HHAT: variants seen among roughly 807,000 people sequenced by gnomAD.
The protein encoded by HHAT is protein-cysteine N-palmitoyltransferase HHAT.
In HHAT, 47 loss-of-function variants were observed where a neutral mutation model predicts 70.8. The ratio of observed to expected loss-of-function variants is 0.66; its 90% CI spans 0.53 to 0.85. The LOEUF (loss-of-function observed/expected upper bound fraction) is 0.85, where lower values mean the gene tolerates loss of function less well. Among genes scored for constraint, HHAT ranks in the 40% least tolerant of loss-of-function variants. The pLI is 0.00. For synonymous variants in HHAT, 228 were observed against 247.6 expected (o/e 0.92, Z 0.74); for missense variants, 609 against 604.8 (o/e 1.01, Z -0.07).
intron 7 of HHAT, among the ~76,000 whole-genome samples, chr1:210,437,595 C>T (rs923062582): frequency 6.6e-6 from 1 of 151,946 alleles, no homozygotes. Flanking sequence ...GCTGCCATTG[C>T]AGCTACTTTG....
At chr1:210,471,678 C>CA (rs2094207595) in intron 8 of HHAT, among the ~76,000 whole-genome samples, 1 of 152,058 alleles carries the variant, frequency 6.6e-6, no homozygotes, top group Non-Finnish European at 1.5e-5. Flanking sequence ...GCAGCAGCAG[C>CA]GCGAAGAACA....
chr1:210,388,867 G>A (rs1432275919), intron 4 of HHAT, among the ~76,000 whole-genome samples: 1 of 152,114 alleles, frequency 6.6e-6, no homozygotes, highest in African/African-American at 2.4e-5. Flanking sequence ...TTTCCCGTAT[G>A]TAAAATAAAT....
chr1:210,336,784 G>GA (rs1293870698), intron 1 of HHAT, among the ~76,000 whole-genome samples: 4 of 151,700 alleles, frequency 2.6e-5, no homozygotes, highest in African/African-American at 9.7e-5. Context: ...CCCTGTTTAA[G>GA]AAAAAAATAA....
At chr1:210,577,636 G>GGTTTTTTTT (rs1558198901) in intron 9 of HHAT, among the ~76,000 whole-genome samples, 1 of 93,442 alleles carries the variant, frequency 1.1e-5, no homozygotes, top group Non-Finnish European at 2.3e-5. Flanking sequence ...TGGCCTGTAG[G>GGTTTTTTTT]ATTTTTTTTT....
intron 9 of HHAT, among the ~76,000 whole-genome samples, chr1:210,564,645 G>A (rs191987036): frequency 6.6e-6 from 1 of 152,364 alleles, no homozygotes; most frequent in East Asian, 1.9e-4. Context: ...AAGGTAAGGA[G>A]TACAGTAGTG....
chr1:210,566,896 G>A (rs1225190007), intron 9 of HHAT, among the ~76,000 whole-genome samples: 2 of 152,232 alleles, frequency 1.3e-5, no homozygotes, highest in Non-Finnish European at 2.9e-5. Flanking sequence ...GGTCCACTGA[G>A]CTGGTTAACA....
chr1:210,627,505 T>C (rs967349628), intron 11 of HHAT, among the ~76,000 whole-genome samples: 1 of 152,142 alleles, frequency 6.6e-6, no homozygotes, highest in African/African-American at 2.4e-5. Context: ...ATATGGGTGA[T>C]ATGAGGCTGT....
At chr1:210,350,967 TATTA>T (rs1558330785) in intron 2 of HHAT, among the ~76,000 whole-genome samples, 1 of 152,170 alleles carries the variant, frequency 6.6e-6, no homozygotes, top group Non-Finnish European at 1.5e-5. Flanking sequence ...TGAATGACTG[TATTA>T]GTTAGGGTTC....
intron 8 of HHAT, among the ~76,000 whole-genome samples, chr1:210,485,342 C>T (rs776934533): frequency 2.6e-5 from 4 of 152,246 alleles, no homozygotes; most frequent in African/African-American, 4.8e-5. Flanking sequence ...CAGGGTCAGC[C>T]GCAATAGACT....
At chr1:210,599,679 C>A (rs1190694334) in intron 10 of HHAT, among the ~76,000 whole-genome samples, 5 of 152,178 alleles carry the variant, frequency 3.3e-5, no homozygotes, top group Non-Finnish European at 5.9e-5. Context: ...GCTCTCATTT[C>A]TTTCCTGGTC....
At chr1:210,593,989 A>G (rs1662353765) in intron 10 of HHAT, among the ~76,000 whole-genome samples, 1 of 151,734 alleles carries the variant, frequency 6.6e-6, no homozygotes, top group Admixed American at 6.6e-5. Context: ...ATAGCTGCTG[A>G]TGTTCTTTTT....
intron 7 of HHAT, among the ~76,000 whole-genome samples, chr1:210,440,549 C>A (rs3765849): frequency 0.072 from 10,959 of 151,748 alleles, 505 homozygotes; most frequent in South Asian, 0.11. Flanking sequence ...TGGTCACTTC[C>A]CATCAGCTGG....
At chr1:210,340,740 G>A (rs925770612) in intron 1 of HHAT, among the ~76,000 whole-genome samples, 3 of 152,046 alleles carry the variant, frequency 2.0e-5, no homozygotes, top group Non-Finnish European at 2.9e-5. Context: ...CTAACGTTAT[G>A]CATAACGTTT....
rs146892681 is a variant in HHAT, at chr1:210,420,664, A to G, written c.856+2339A>G. On this transcript the variant is annotated intron_variant, in intron 7 of 11. Coordinates refer to ENST00000261458, the MANE Select transcript of HHAT (RefSeq NM_018194.6). ...AAACTTAAAGTATAATAATAATAAA[A>G]TTTAAAAAAACAAAAAAAAAAACAA... is the stretch of plus-strand genomic sequence containing the variant. Among the ~76,000 whole-genome samples the G allele has an allele frequency of 7.5e-3, 1,052 of 140,232 alleles. 14 individuals are homozygous for G. The highest frequency in any genetic ancestry group is 0.025 in the African/African-American group (1,002 of 39,650). The allele number at this position is 140,232 out of a possible 152,430, so 92.0% of individuals were successfully genotyped here.
intron 9 of HHAT, among the ~76,000 whole-genome samples, chr1:210,551,282 C>T (rs150711400): frequency 6.7e-6 from 1 of 148,708 alleles, no homozygotes; most frequent in South Asian, 2.2e-4. Context: ...CAGCGGCGAG[C>T]AAAAGCAGAA....
chr1:210,539,710 A>T (rs2095409283), intron 9 of HHAT, among the ~76,000 whole-genome samples: 1 of 152,182 alleles, frequency 6.6e-6, no homozygotes. Flanking sequence ...ACGAGGAGGC[A>T]GGGATGCTGA....
intron 7 of HHAT, among the ~76,000 whole-genome samples, chr1:210,425,110 CT>C (rs1319216858): frequency 6.6e-6 from 1 of 152,046 alleles, no homozygotes; most frequent in African/African-American, 2.4e-5. Context: ...TGATGCTGAG[CT>C]TTTTTTTCCC....
intron 2 of HHAT, among the ~76,000 whole-genome samples, chr1:210,355,619 G>C (rs998737616): frequency 6.6e-6 from 1 of 152,094 alleles, no homozygotes; most frequent in Non-Finnish European, 1.5e-5. Flanking sequence ...AAAATATATG[G>C]ATTTCTAAGT....
intron 7 of HHAT, among the ~76,000 whole-genome samples, chr1:210,459,350 A>T (rs1241535152): frequency 6.6e-6 from 1 of 152,192 alleles, no homozygotes; most frequent in Non-Finnish European, 1.5e-5. Flanking sequence ...AAGGTGAATT[A>T]TTCATTCAGT....
Sources: gnomAD v4.1 joint callset for allele counts (sites outside exome capture counted in the v4.1 genomes callset) on GRCh38, gnomAD v4.1.1 for gene constraint, MANE v1.5 for transcripts, NCBI Gene and HGNC (gene_info 2026-07-23, HGNC 2026-07-21) for gene names.